The following TMEM229B variants were observed in gnomAD, a reference collection of about 807,000 sequenced individuals.
The protein encoded by TMEM229B is transmembrane protein 229B, also known as chromosome 14 open reading frame 83.
Under a neutral mutation model 13.7 loss-of-function variants are expected in TMEM229B, and 6 were observed. That is an observed-to-expected ratio of 0.44 (90% CI 0.24 to 0.86). The LOEUF (loss-of-function observed/expected upper bound fraction) is 0.86. TMEM229B is among the 40% of genes least tolerant of loss of function. The pLI is 0.23. For missense variants in TMEM229B, 170 were observed against 236.0 expected, an observed-to-expected ratio of 0.72 and a Z score of 1.83; for synonymous variants, 107 against 102.1, an observed-to-expected ratio of 1.05 and a Z score of -0.29.
chr14:67,500,092 C>A (rs142158708), intron 1 of TMEM229B, among the ~76,000 whole-genome samples: 1 of 152,048 alleles, frequency 6.6e-6, no homozygotes, highest in Admixed American at 6.6e-5. Context: ...CAGCTACTCA[C>A]GTGGGAGGAT....
Position 67,473,974 on chromosome 14 carries a change from C to T in TMEM229B, c.-18-33G>A, listed in dbSNP as rs766542978. On this transcript the variant is annotated intron_variant, in intron 2 of 2. Transcript: ENST00000554480. This position sits in a 1 kb window ranked among gnomAD's most constrained non-coding sequence, Gnocchi z 6.5. ...GGGCGCAAGAGAGACAGGTGAGGGC[C>T]GGGCGCGGTGGCTCACGCCTATAAT... 75 of 1,535,364 alleles carry T rather than the reference C, an allele frequency of 4.9e-5. No homozygotes were observed. The highest frequency in any genetic ancestry group is 2.3e-4 in the Middle Eastern group (1 of 4,342).
intron 1 of TMEM229B, among the ~76,000 whole-genome samples, chr14:67,530,130 G>A (rs1239823781): frequency 6.6e-6 from 1 of 152,142 alleles, no homozygotes; most frequent in Non-Finnish European, 1.5e-5. Flanking sequence ...TTGCAATCTT[G>A]TAAACAGAGA....
chr14:67,519,707 T>G (rs1213533480), upstream of TMEM229B, among the ~76,000 whole-genome samples: 1 of 136,204 alleles, frequency 7.3e-6, no homozygotes, highest in Non-Finnish European at 1.6e-5. Flanking sequence ...AGTGGCCCTG[T>G]AAGTTTGTTT....
chr14:67,491,629 G>A (rs955199327), upstream of TMEM229B, among the ~76,000 whole-genome samples: 9 of 152,194 alleles, frequency 5.9e-5, no homozygotes, highest in Non-Finnish European at 1.3e-4. Flanking sequence ...CCTGACCCAG[G>A]TGCCCACAAA....
intron 2 of TMEM229B, among the ~76,000 whole-genome samples, chr14:67,478,911 G>T (rs2031399092): frequency 6.6e-6 from 1 of 152,058 alleles, no homozygotes; most frequent in South Asian, 2.1e-4. Context: ...AGTGGTAAGA[G>T]AAAAAAGCAG....
chr14:67,488,338 G>A (rs185226040), intron 1 of TMEM229B, among the ~76,000 whole-genome samples, 170 bp downstream of exon 1: 40 of 152,374 alleles, frequency 2.6e-4, no homozygotes, highest in Middle Eastern at 3.4e-3. Context: ...AGGAGTGGGG[G>A]AACTGAAACT....
intron 1 of TMEM229B, among the ~76,000 whole-genome samples, chr14:67,530,107 A>G (rs1255942148): frequency 6.6e-6 from 1 of 152,246 alleles, no homozygotes; most frequent in Non-Finnish European, 1.5e-5. Flanking sequence ...CTCTCAAGCC[A>G]TCTGCTTATC....
At chr14:67,529,681 T>A (rs1193742592) in intron 1 of TMEM229B, among the ~76,000 whole-genome samples, 2 of 152,202 alleles carry the variant, frequency 1.3e-5, no homozygotes, top group African/African-American at 2.4e-5. Flanking sequence ...CTCTTGACAC[T>A]CTGCTCTAAC....
chr14:67,501,438 C>T (rs953503912), intron 1 of TMEM229B, among the ~76,000 whole-genome samples: 1 of 152,104 alleles, frequency 6.6e-6, no homozygotes, highest in Non-Finnish European at 1.5e-5. Context: ...GATCATAGGT[C>T]ACTGCAGCCT....
At chr14:67,488,950 C>T (rs1471528024), upstream of TMEM229B, among the ~76,000 whole-genome samples, 2 of 152,170 alleles carry the variant, frequency 1.3e-5, no homozygotes, top group African/African-American at 2.4e-5. Context: ...GATGATGGTG[C>T]ACCTCTCCCT....
chr14:67,472,349 A>T lies in TMEM229B; in HGVS notation c.*1071T>A, dbSNP rs1364921849. Reference sequence around the variant, plus strand: ...ACTGCTCAGTTTTGGCTTGAAAATAAACCAGGCAGGGAATAGATGACCTAG... The same window carrying T: ...ACTGCTCAGTTTTGGCTTGAAAATATACCAGGCAGGGAATAGATGACCTAG... On this transcript the variant is annotated 3_prime_UTR_variant, in exon 3 of 3. Transcript: ENST00000554480. The T allele has an allele frequency of 6.6e-6, 1 of 152,288 alleles. No individual in the cohort carries two copies. The highest frequency in any genetic ancestry group is 2.4e-5 in the African/African-American group (1 of 41,456). The allele number at this position is 152,288 out of a possible 1,614,324, so 9.4% of individuals were successfully genotyped here.
intron 1 of TMEM229B, among the ~76,000 whole-genome samples, chr14:67,523,292 C>A (rs2033317302): frequency 6.6e-6 from 1 of 150,478 alleles, no homozygotes; most frequent in Non-Finnish European, 1.5e-5. Context: ...CCACTGCACT[C>A]CACCTGGGTT....
chr14:67,519,921 C>G (rs2033266476), upstream of TMEM229B, among the ~76,000 whole-genome samples: 1 of 152,054 alleles, frequency 6.6e-6, no homozygotes, highest in Non-Finnish European at 1.5e-5. Flanking sequence ...CTGGATCTCC[C>G]TATGTTGCTC....
rs140996579 is a variant in TMEM229B, at chr14:67,486,009, G to A, written c.-19+991C>T. 9.0e-4 allele frequency among the ~76,000 whole-genome samples: 137 copies of A among 152,360 alleles called. 1 individual carries two copies. Among genetic ancestry groups the A allele is most frequent in the African/African-American group, 3.1e-3 (127 of 41,590 alleles). ...GCATTGCTCATGGCTTCTGGGCAGA[G>A]TCCAGTCCCAGGTGATGCATGGTCC... On this transcript the variant is annotated intron_variant, in intron 2 of 2. Transcript: ENST00000554480.
At chr14:67,518,112 AC>A (rs150458775), upstream of TMEM229B, among the ~76,000 whole-genome samples, 52 of 152,330 alleles carry the variant, frequency 3.4e-4, no homozygotes, top group African/African-American at 1.2e-3. Context: ...TGATTCAAGT[AC>A]AGGGTGAAGG....
intron 1 of TMEM229B, among the ~76,000 whole-genome samples, chr14:67,503,938 G>C (rs1011814548): frequency 3.3e-5 from 5 of 151,908 alleles, no homozygotes; most frequent in Middle Eastern, 3.4e-3. Context: ...TCCTGACCTC[G>C]TGATCTGCCT....
At chr14:67,533,093 C>T (rs561989042) in intron 1 of TMEM229B, among the ~76,000 whole-genome samples, 24 of 152,256 alleles carry the variant, frequency 1.6e-4, no homozygotes, top group Admixed American at 1.6e-3. Context: ...CCGCGAGCTG[C>T]CTGGAGAGCT....
At chr14:67,501,203 C>T (rs1291564806) in intron 1 of TMEM229B, among the ~76,000 whole-genome samples, 1 of 151,972 alleles carries the variant, frequency 6.6e-6, no homozygotes, top group African/African-American at 2.4e-5. Context: ...GCCCTGAGGA[C>T]ACATCAGTTC....
chr14:67,500,276 C>A (rs915206988), intron 1 of TMEM229B, among the ~76,000 whole-genome samples: 3 of 152,104 alleles, frequency 2.0e-5, no homozygotes, highest in African/African-American at 7.2e-5. Flanking sequence ...GAGTTCAAGA[C>A]CAGCCTGGCC....
Sources: gnomAD v4.1 joint callset for allele counts (sites outside exome capture counted in the v4.1 genomes callset) on GRCh38, gnomAD v4.1.1 for gene constraint, Gnocchi (gnomAD v3.1) non-coding constraint, MANE v1.5 for transcripts, NCBI Gene and HGNC (gene_info 2026-07-23, HGNC 2026-07-21) for gene names.